ABL2: variants seen among roughly 807,000 people sequenced by gnomAD.
ABL2 encodes the protein tyrosine-protein kinase ABL2.
A neutral mutation model predicts 107.7 loss-of-function variants in ABL2; 49 were observed. The ratio of observed to expected loss-of-function variants is 0.45; its 90% confidence interval spans 0.36 to 0.58. The LOEUF (loss-of-function observed/expected upper bound fraction) is 0.58. Among genes scored for constraint, ABL2 ranks in the 20% least tolerant of loss-of-function variants. The pLI, the probability that ABL2 is intolerant of heterozygous loss-of-function variation, is 0.00. For synonymous variants in ABL2, 549 were observed against 548.6 expected, an observed-to-expected ratio of 1.00 and a Z score of -0.01; for missense variants, 1,245 against 1,457.0, an observed-to-expected ratio of 0.85 and a Z score of 2.37.
intron 7 of ABL2, 126 bp from the exon 8 acceptor site, chr1:179,117,642 C>T: frequency 1.2e-6 from 1 of 828,956 alleles, no homozygotes; most frequent in Non-Finnish European, 1.9e-6. Flanking sequence ...GTAGTATCTT[C>T]TGATAATCAC....
chr1:179,136,949 CA>C (rs1657088162), intron 1 of ABL2, among the ~76,000 whole-genome samples: 1 of 148,350 alleles, frequency 6.7e-6, no homozygotes, highest in Admixed American at 6.7e-5. Context: ...ATAACTTCTA[CA>C]TGATATACAC....
intron 1 of ABL2, among the ~76,000 whole-genome samples, chr1:179,183,547 C>CA (rs1660502173): frequency 6.6e-6 from 1 of 151,624 alleles, no homozygotes. Context: ...AACAATCTAA[C>CA]AAAAAAAGAT....
chr1:179,103,727 T>A lies in ABL2; in HGVS notation c.*3991A>T. 1 of 228,234 alleles carries A rather than the reference T, an allele frequency of 4.4e-6. No homozygotes were observed. Among genetic ancestry groups the A allele is most frequent in the Non-Finnish European group, 8.7e-6 (1 of 114,616 alleles). 14.1% of individuals were successfully genotyped at this position (228,234 alleles called of 1,614,324 possible). ...AAGTGTGCAGCACCACACAGGCTGATTGTCGGTCTGAGCCACTTTTTTGCA... is the reference window on the plus strand; with the variant it reads ...AAGTGTGCAGCACCACACAGGCTGAATGTCGGTCTGAGCCACTTTTTTGCA... On this transcript the variant is annotated 3_prime_UTR_variant, in exon 12 of 12. Coordinates refer to ENST00000502732, the MANE Select transcript of ABL2 (RefSeq NM_007314.4).
In ABL2 at chr1:179,229,248, G is replaced by A; in HGVS notation, c.150C>T (p.Thr50=). 1.3e-6 allele frequency: 2 copies of A among 1,538,318 alleles called. No homozygotes were observed. The highest frequency in any genetic ancestry group is 1.7e-6 in the Non-Finnish European group (2 of 1,143,372). ...GCTCCCAGACACACTCACCATGCTG[G>A]GTGAAGATATTGAAGCCGGTCTCTG... The part of the protein sequence containing the change: ...RTTETGFNIF[T]QHDHFASCVE... The change falls in exon 1 of 12, where the codon ACC becomes ACT. Residue 50 remains threonine, a synonymous_variant. Transcript: ENST00000502732.
At chr1:179,175,833 G>A in intron 1 of ABL2, among the ~76,000 whole-genome samples, 1 of 149,040 alleles carries the variant, frequency 6.7e-6, no homozygotes, top group Non-Finnish European at 1.5e-5. Flanking sequence ...TGCTAGACAA[G>A]TAGACACATT....
At chr1:179,118,558 A>C (rs780038385) in intron 7 of ABL2, 29 bp downstream of exon 7, 61 of 1,591,686 alleles carry the variant, frequency 3.8e-5, no homozygotes, top group Admixed American at 7.0e-5. Flanking sequence ...AGATGGCTTC[A>C]TGGTTGGTCA....
At chr1:179,137,660 C>G (rs186803052) in intron 1 of ABL2, 2 of 152,256 alleles carry the variant, frequency 1.3e-5, no homozygotes, top group Admixed American at 1.3e-4. Context: ...ACAAAACCAG[C>G]AAATGTCATA....
intron 1 of ABL2, among the ~76,000 whole-genome samples, chr1:179,175,578 T>G (rs1164231742): frequency 2.0e-5 from 3 of 152,254 alleles, no homozygotes; most frequent in African/African-American, 7.2e-5. Context: ...AATGAGCTAC[T>G]TTCGGGGTAG....
intron 1 of ABL2, among the ~76,000 whole-genome samples, chr1:179,168,128 T>C (rs1659502312): frequency 6.6e-6 from 1 of 152,236 alleles, no homozygotes; most frequent in Non-Finnish European, 1.5e-5. Context: ...TCCTGCAATA[T>C]TAGGTTCCTG....
At chr1:179,189,555 A>G (rs1247179078) in intron 1 of ABL2, among the ~76,000 whole-genome samples, 1 of 152,172 alleles carries the variant, frequency 6.6e-6, no homozygotes, top group African/African-American at 2.4e-5. Flanking sequence ...TCGTCTTGTC[A>G]CTAGGAAGTC....
chr1:179,128,464 C>T (rs1182881997), intron 3 of ABL2, among the ~76,000 whole-genome samples: 1 of 152,018 alleles, frequency 6.6e-6, no homozygotes, highest in East Asian at 1.9e-4. Flanking sequence ...TCTATATATA[C>T]ATTTTTTAAT....
Position 179,099,559 on chromosome 1 carries a change from G to A in ABL2, c.*8159C>T, listed in dbSNP as rs1300107527. ...AAATACCTGACAACACTGGTAATGT[G>A]ACACACAATTGATGTGTTTTTAGTT... On this transcript the variant is annotated 3_prime_UTR_variant, in exon 12 of 12. Coordinates refer to ENST00000502732, the MANE Select transcript of ABL2 (RefSeq NM_007314.4). The A allele has an allele frequency of 4.4e-6, 1 of 228,888 alleles. No homozygotes were observed. Among genetic ancestry groups the A allele is most frequent in the Non-Finnish European group, 8.7e-6 (1 of 115,424 alleles). The allele number at this position is 228,888 out of a possible 1,614,324, so 14.2% of individuals were successfully genotyped here.
Position 179,204,772 on chromosome 1 carries a change from A to C in ABL2, c.157+24469T>G, listed in dbSNP as rs191929361. Among the ~76,000 whole-genome samples, 167 of 152,132 alleles carry C rather than the reference A, an allele frequency of 1.1e-3. No individual in the cohort carries two copies. The Middle Eastern group carries it at 0.017, about 15-fold the overall frequency. ...AAAAAGCAAAACAAACACACACACA[A>C]AAAAACTAAGATGATTGTTTTAGAC... On this transcript the variant is annotated intron_variant, in intron 1 of 11. Transcript: ENST00000502732.
chr1:179,184,701 C>T (rs949300616), intron 1 of ABL2, among the ~76,000 whole-genome samples: 1 of 152,112 alleles, frequency 6.6e-6, no homozygotes, highest in Non-Finnish European at 1.5e-5. Context: ...ACTAATAGAA[C>T]ACTGATGGAT....
chr1:179,119,841 T>C (rs979200565), intron 6 of ABL2, among the ~76,000 whole-genome samples: 3 of 152,222 alleles, frequency 2.0e-5, no homozygotes, highest in Non-Finnish European at 4.4e-5. Flanking sequence ...CTGAGCAGTT[T>C]TATACACCAA....
chr1:179,224,264 T>G (rs1297131089), intron 1 of ABL2, among the ~76,000 whole-genome samples: 1 of 151,678 alleles, frequency 6.6e-6, no homozygotes, highest in African/African-American at 2.4e-5. Flanking sequence ...ATGTAAGGGT[T>G]TTTGTTTGTT....
intron 8 of ABL2, among the ~76,000 whole-genome samples, chr1:179,116,506 T>A (rs1654641732): frequency 6.6e-6 from 1 of 151,750 alleles, no homozygotes; most frequent in Non-Finnish European, 1.5e-5. Flanking sequence ...AAAACTTTCT[T>A]CTTTCTTTTT....
intron 1 of ABL2, among the ~76,000 whole-genome samples, chr1:179,174,439 T>C (rs534810409): frequency 1.3e-5 from 2 of 151,058 alleles, no homozygotes; most frequent in East Asian, 3.9e-4. Flanking sequence ...AGAAACTCCA[T>C]CTCTACTAAA....
chr1:179,118,030 G>A (rs777142359), intron 7 of ABL2, among the ~76,000 whole-genome samples: 3 of 151,360 alleles, frequency 2.0e-5, no homozygotes, highest in Admixed American at 6.6e-5. Context: ...GCATATTCCC[G>A]TAATCCCAGC....
Sources: allele counts gnomAD v4.1 joint callset (sites outside exome capture counted in the v4.1 genomes callset), GRCh38; gene constraint gnomAD v4.1.1; transcripts MANE v1.5; gene names NCBI Gene and HGNC (gene_info 2026-07-23, HGNC 2026-07-21).